The following WWOX variants were observed in gnomAD, a reference collection of about 807,000 sequenced individuals.
The protein encoded by WWOX is WW domain-containing oxidoreductase.
Under a neutral mutation model 46.2 loss-of-function variants are expected in WWOX, and 69 were observed. That is an observed-to-expected ratio of 1.49 (90% confidence interval 1.23 to 1.82). The LOEUF is 1.82. Ranked by LOEUF, WWOX falls within the 40% of genes most tolerant of loss-of-function variation. WWOX has a pLI of 0.00. For synonymous variants in WWOX, 359 were observed against 202.6 expected (o/e 1.77, Z -6.56); for missense variants, 919 against 542.6 (o/e 1.69, Z -6.89).
intron 8 of WWOX, among the ~76,000 whole-genome samples, chr16:79,103,928 G>C (rs866839829): frequency 6.6e-6 from 1 of 151,586 alleles, no homozygotes; most frequent in African/African-American, 2.4e-5. Context: ...AATTGAAAAT[G>C]ATGTGTGAAA....
At chr16:78,685,188 T>A (rs766755000) in intron 8 of WWOX, among the ~76,000 whole-genome samples, 3 of 152,182 alleles carry the variant, frequency 2.0e-5, no homozygotes, top group Non-Finnish European at 2.9e-5. Context: ...GAGAGATCTG[T>A]GAGGTCATCT....
chr16:78,477,262 C>T lies in WWOX; in HGVS notation c.1056+44510C>T, dbSNP rs372758310. On this transcript the variant is annotated intron_variant, in intron 8 of 8. Transcript: ENST00000566780. Reference sequence around the variant, plus strand: ...GGGATGATCTTCTAGTCTAGATTACCTATTGATTTTTAATATGAAAAGCTC... The same window carrying T: ...GGGATGATCTTCTAGTCTAGATTACTTATTGATTTTTAATATGAAAAGCTC... Among the ~76,000 whole-genome samples the T allele has an allele frequency of 4.6e-4, 70 of 152,144 alleles. No homozygotes were observed. In the South Asian group the frequency reaches 0.012, roughly 26 times the overall value.
chr16:78,892,749 C>T (rs1410511827), intron 8 of WWOX, among the ~76,000 whole-genome samples: 1 of 152,152 alleles, frequency 6.6e-6, no homozygotes, highest in South Asian at 2.1e-4. Flanking sequence ...TGATGGCATC[C>T]CACAACTTTC....
At chr16:78,997,491 A>T (rs544650991) in intron 8 of WWOX, among the ~76,000 whole-genome samples, 1 of 152,092 alleles carries the variant, frequency 6.6e-6, no homozygotes, top group African/African-American at 2.4e-5. Context: ...TCTACTCCAG[A>T]TTTTTATTTT....
chr16:78,689,797 A>T (rs948528766), intron 8 of WWOX, among the ~76,000 whole-genome samples: 3 of 152,180 alleles, frequency 2.0e-5, no homozygotes, highest in African/African-American at 7.2e-5. Context: ...CCCTGTTGAA[A>T]TAATCCTGCA....
intron 5 of WWOX, among the ~76,000 whole-genome samples, chr16:78,369,811 G>C (rs2081626200): frequency 6.6e-6 from 1 of 151,982 alleles, no homozygotes; most frequent in African/African-American, 2.4e-5. Flanking sequence ...TATCATATAG[G>C]AATGATAGAG....
chr16:78,751,289 A>G (rs2049469437), intron 8 of WWOX, among the ~76,000 whole-genome samples: 1 of 151,664 alleles, frequency 6.6e-6, no homozygotes, highest in Non-Finnish European at 1.5e-5. Flanking sequence ...TATTTCTGAC[A>G]TCTAGCATTA....
intron 8 of WWOX, among the ~76,000 whole-genome samples, chr16:78,794,668 T>A (rs781306352): frequency 1.3e-5 from 2 of 152,252 alleles, no homozygotes; most frequent in East Asian, 3.9e-4. Flanking sequence ...TTATAGCTGT[T>A]GCTGTCATTC....
At chr16:79,107,262 A>T (rs542464420) in intron 8 of WWOX, among the ~76,000 whole-genome samples, 1 of 151,496 alleles carries the variant, frequency 6.6e-6, no homozygotes, top group East Asian at 1.9e-4. Context: ...TTTATTTGTT[A>T]TTTTTGATCT....
At chr16:78,720,902 G>T (rs57066316) in intron 8 of WWOX, among the ~76,000 whole-genome samples, 1 of 152,052 alleles carries the variant, frequency 6.6e-6, no homozygotes, top group Non-Finnish European at 1.5e-5. Context: ...TAAAAGATAA[G>T]TTCCTCCCCC....
At chr16:78,335,642 G>A (rs2080871923) in intron 5 of WWOX, among the ~76,000 whole-genome samples, 1 of 152,136 alleles carries the variant, frequency 6.6e-6, no homozygotes, top group Admixed American at 6.5e-5. Context: ...AAAGGTACAT[G>A]CACATGTATG....
chr16:78,353,410 A>G (rs1245530180), intron 5 of WWOX, among the ~76,000 whole-genome samples: 1 of 152,206 alleles, frequency 6.6e-6, no homozygotes, highest in African/African-American at 2.4e-5. Context: ...GTGTAAGCCA[A>G]GAGAAAGACA....
intron 8 of WWOX, among the ~76,000 whole-genome samples, chr16:78,816,400 T>C (rs995975110): frequency 1.3e-5 from 2 of 151,948 alleles, no homozygotes; most frequent in African/African-American, 4.8e-5. Flanking sequence ...TTAATAGATA[T>C]TGCAAGTGTG....
intron 8 of WWOX, among the ~76,000 whole-genome samples, chr16:78,792,017 C>G (rs563168146): frequency 1.3e-5 from 2 of 152,108 alleles, no homozygotes; most frequent in South Asian, 2.1e-4. Flanking sequence ...ACTGGACATT[C>G]CCTTATTTCA....
chr16:79,096,587 T>C (rs2049079293), intron 8 of WWOX, among the ~76,000 whole-genome samples: 1 of 152,182 alleles, frequency 6.6e-6, no homozygotes, highest in Non-Finnish European at 1.5e-5. Context: ...GCAATCTTCC[T>C]TCTCCATCCC....
intron 8 of WWOX, among the ~76,000 whole-genome samples, chr16:78,695,003 C>T (rs1436431232): frequency 2.0e-5 from 3 of 152,140 alleles, no homozygotes; most frequent in Non-Finnish European, 4.4e-5. Flanking sequence ...GGATTGTAAA[C>T]ACAGGGAATA....
chr16:78,578,520 C>T (rs987526623), intron 8 of WWOX, among the ~76,000 whole-genome samples: 1 of 151,416 alleles, frequency 6.6e-6, no homozygotes, highest in African/African-American at 2.4e-5. Context: ...AATCTCCTGG[C>T]CTCGTGATTC....
At position 78,989,939 on chromosome 16, in the gene WWOX, T is replaced by C. The variant is rs1326377316; in HGVS notation, c.1057-221669T>C. ...GGCTCATGTCTGTAATTCTAGCACTTTGGGAGGCCGGGGCGAGCAAATTGC... is the reference window on the plus strand; with the variant it reads ...GGCTCATGTCTGTAATTCTAGCACTCTGGGAGGCCGGGGCGAGCAAATTGC... On this transcript the variant is annotated intron_variant, in intron 8 of 8. Coordinates refer to ENST00000566780, the MANE Select transcript of WWOX (RefSeq NM_016373.4). Among the ~76,000 whole-genome samples the C allele has an allele frequency of 2.0e-5, 3 of 151,062 alleles. No individual in the cohort carries two copies. In the East Asian group the frequency reaches 5.9e-4, roughly 29 times the overall value.
intron 8 of WWOX, among the ~76,000 whole-genome samples, chr16:78,706,075 T>TTA (rs1458385093): frequency 6.6e-6 from 1 of 151,124 alleles, no homozygotes; most frequent in Non-Finnish European, 1.5e-5. Flanking sequence ...TTTTTTTTTT[T>TTA]TTTTGACTAA....
Sources: allele counts gnomAD v4.1 joint callset (sites outside exome capture counted in the v4.1 genomes callset), GRCh38; gene constraint gnomAD v4.1.1; transcripts MANE v1.5; gene names NCBI Gene and HGNC (gene_info 2026-07-23, HGNC 2026-07-21).